The following GALNT8 variants were observed in gnomAD, a reference collection of about 807,000 sequenced individuals.
The protein encoded by GALNT8 is probable polypeptide N-acetylgalactosaminyltransferase 8.
GALNT8 carries 66 observed loss-of-function variants against 62.7 expected under a neutral mutation model. That is an observed-to-expected ratio of 1.05 (90% CI 0.86 to 1.29). The LOEUF (loss-of-function observed/expected upper bound fraction) is 1.29. Ranked by LOEUF, GALNT8 falls within the 50% of genes most tolerant of loss-of-function variation. The pLI, the probability that GALNT8 is intolerant of heterozygous loss-of-function variation, is 0.00. For synonymous variants in GALNT8, 288 were observed against 294.3 expected (o/e 0.98, Z 0.22); for missense variants, 771 against 791.8 (o/e 0.97, Z 0.32).
At chr12:4,741,704 C>T (rs192308422) in intron 3 of GALNT8, among the ~76,000 whole-genome samples, 241 of 152,156 alleles carry the variant, frequency 1.6e-3, no homozygotes, top group Admixed American at 2.3e-3. Flanking sequence ...ATTACAAACA[C>T]GGGGTAGACA....
chr12:4,720,835 A>G lies in GALNT8; in HGVS notation c.158A>G (p.Tyr53Cys). The G allele has an allele frequency of 1.2e-6, 2 of 1,610,760 alleles. No individual in the cohort carries two copies. The highest frequency in any genetic ancestry group is 1.7e-5 in the Admixed American group (1 of 60,002). The change falls in exon 1 of 11, where the codon TAC becomes TGC. Residue 53 changes from tyrosine (Y) to cysteine (C), a missense_variant. By Grantham distance (194) the Tyr-to-Cys change is radical. Transcript: ENST00000252318. Reference sequence around the variant, plus strand: ...CTTCCTTTACATCTGAATAAACGCTACGGGGCAGTGATAAAGAGACTCTCC... The same window carrying G: ...CTTCCTTTACATCTGAATAAACGCTGCGGGGCAGTGATAAAGAGACTCTCC... Reference protein sequence around the residue: ...RELPLHLNKRYGAVIKRLSHL... With the variant: ...RELPLHLNKRCGAVIKRLSHL...
rs151333092 is a variant in GALNT8, at chr12:4,729,579, C to T, written c.509+2750C>T. Among the ~76,000 whole-genome samples the T allele has an allele frequency of 8.2e-4, 125 of 152,290 alleles. 1 individual carries two copies. The highest frequency in any genetic ancestry group is 2.9e-3 in the African/African-American group (120 of 41,570). On this transcript the variant is annotated intron_variant, in intron 2 of 10. Coordinates refer to ENST00000252318, the MANE Select transcript of GALNT8 (RefSeq NM_017417.2). ...ATTTTACTTAACATAATGTACTCCA[C>T]ATTTATCCATGTTGTCACAAAAGAC...
chr12:4,742,895 C>T lies in GALNT8; in HGVS notation c.677-1622C>T, dbSNP rs568530550. On this transcript the variant is annotated intron_variant, in intron 3 of 10. Coordinates refer to ENST00000252318, the MANE Select transcript of GALNT8 (RefSeq NM_017417.2). ...GTTGTCTTCAGAAAACCCGTCGAGGCGTCCTTAATCTTTGTGCTATATGAT... is the reference window on the plus strand; with the variant it reads ...GTTGTCTTCAGAAAACCCGTCGAGGTGTCCTTAATCTTTGTGCTATATGAT... Among the ~76,000 whole-genome samples, 75 of 152,244 alleles carry T rather than the reference C, an allele frequency of 4.9e-4. 1 individual carries two copies. Among genetic ancestry groups the T allele is most frequent in the African/African-American group, 1.6e-3 (68 of 41,532 alleles).
intron 1 of GALNT8, among the ~76,000 whole-genome samples, chr12:4,721,191 A>G (rs533160103): frequency 6.6e-6 from 1 of 152,278 alleles, no homozygotes; most frequent in Admixed American, 6.5e-5. Flanking sequence ...AACGAGAAGA[A>G]TAAGAATCCC....
intron 2 of GALNT8, among the ~76,000 whole-genome samples, chr12:4,730,792 A>G (rs1467182947): frequency 1.3e-5 from 2 of 151,960 alleles, no homozygotes; most frequent in Non-Finnish European, 2.9e-5. Flanking sequence ...CAATCTGTAG[A>G]TCACTATGGG....
rs16928032 is a variant in GALNT8, at chr12:4,744,196, G to T, written c.677-321G>T. On this transcript the variant is annotated intron_variant, in intron 3 of 10. Transcript: ENST00000252318. ...CCATCAACCTGTGCACCTTAGGCTAGATCTGTCCACTCATTCTCTCAAGAA... is the reference window on the plus strand; with the variant it reads ...CCATCAACCTGTGCACCTTAGGCTATATCTGTCCACTCATTCTCTCAAGAA... 8.2e-3 allele frequency among the ~76,000 whole-genome samples: 1,249 copies of T among 152,302 alleles called. 18 individuals are homozygous for T. The highest frequency in any genetic ancestry group is 0.029 in the African/African-American group (1,192 of 41,556).
Position 4,765,578 on chromosome 12 carries a change from TTGTTTTG to T in GALNT8, c.1761+34_1761+40del, listed in dbSNP as rs773324909. ...TATGTGTTTTTGTTTGTTGGTTTGT[TTGTTTTG>T]TTTTGTTTTGTTTTGAGACTGAGTC... On this transcript the variant is annotated intron_variant, in intron 10 of 10. Coordinates refer to ENST00000252318, the MANE Select transcript of GALNT8 (RefSeq NM_017417.2). 4.1e-6 allele frequency: 6 copies of T among 1,463,600 alleles called. No individual in the cohort carries two copies. The African/African-American group carries it at 8.7e-5, about 21-fold the overall frequency. 90.7% of individuals were successfully genotyped at this position (1,463,600 alleles called of 1,614,324 possible).
At chr12:4,743,649 G>A (rs1308507014) in intron 3 of GALNT8, among the ~76,000 whole-genome samples, 2 of 152,148 alleles carry the variant, frequency 1.3e-5, no homozygotes, top group African/African-American at 4.8e-5. Context: ...CACATCCAGG[G>A]CGTGCCACTT....
At chr12:4,748,022 T>G (rs1197672375) in intron 6 of GALNT8, among the ~76,000 whole-genome samples, 2 of 152,108 alleles carry the variant, frequency 1.3e-5, no homozygotes, top group Non-Finnish European at 2.9e-5. Flanking sequence ...TGTCTTCTTT[T>G]GGGAAATGTC....
intron 6 of GALNT8, among the ~76,000 whole-genome samples, chr12:4,760,619 G>A (rs1395539600): frequency 3.3e-5 from 5 of 152,316 alleles, no homozygotes; most frequent in African/African-American, 1.2e-4. Context: ...GGAACTTAGT[G>A]CAGTGAGAGT....
chr12:4,727,897 G>T (rs1946203716), intron 2 of GALNT8, among the ~76,000 whole-genome samples: 1 of 152,228 alleles, frequency 6.6e-6, no homozygotes, highest in African/African-American at 2.4e-5. Context: ...TAGAATTGCT[G>T]GGCCATATGA....
chr12:4,741,038 T>C (rs1413142086), intron 3 of GALNT8, among the ~76,000 whole-genome samples: 3 of 152,186 alleles, frequency 2.0e-5, no homozygotes, highest in African/African-American at 7.2e-5. Context: ...TTACAAAAAC[T>C]TAGAGGTTTG....
At chr12:4,768,447 C>T (rs1188508333) in intron 10 of GALNT8, 3 of 368,280 alleles carry the variant, frequency 8.1e-6, no homozygotes, top group Non-Finnish European at 1.6e-5. Context: ...AACAGCCTAC[C>T]ATTACTAAAT....
At chr12:4,770,891 A>G (rs1275904292) in intron 10 of GALNT8, among the ~76,000 whole-genome samples, 1 of 152,216 alleles carries the variant, frequency 6.6e-6, no homozygotes, top group African/African-American at 2.4e-5. Flanking sequence ...AAGGCAGTAG[A>G]AAAGGAATCT....
chr12:4,758,629 TGTGTGTGTGA>T (rs1203781835), intron 6 of GALNT8, among the ~76,000 whole-genome samples: 437 of 104,504 alleles, frequency 4.2e-3, no homozygotes, highest in African/African-American at 0.014. Context: ...TGTGTGTGTG[TGTGTGTGTGA>T]GAGAGAGAGA....
chr12:4,723,275 A>G (rs1946179292), intron 1 of GALNT8, among the ~76,000 whole-genome samples: 2 of 152,202 alleles, frequency 1.3e-5, no homozygotes, highest in Admixed American at 1.3e-4. Context: ...ACGGGGCAAG[A>G]GAGTGGATGA....
intron 2 of GALNT8, among the ~76,000 whole-genome samples, chr12:4,731,851 C>T (rs1946223427): frequency 6.6e-6 from 1 of 152,126 alleles, no homozygotes; most frequent in Non-Finnish European, 1.5e-5. Context: ...CTTCATCATG[C>T]CATGTTGGCC....
Position 4,720,823 on chromosome 12 carries a change from T to C in GALNT8, c.146T>C (p.Leu49Pro), listed in dbSNP as rs1335475175. Reference protein sequence around the residue: ...GGLHRELPLHLNKRYGAVIKR... With the variant: ...GGLHRELPLHPNKRYGAVIKR... ...CTCCACAGGGAGCTTCCTTTACATC[T>C]GAATAAACGCTACGGGGCAGTGATA... is the stretch of plus-strand genomic sequence containing the variant. Residue 49 changes from leucine to proline, a missense_variant, in exon 1 of 11, where the codon CTG (leucine) becomes CCG (proline). By Grantham distance (98) the Leu-to-Pro change is moderately conservative. Coordinates refer to ENST00000252318, the MANE Select transcript of GALNT8 (RefSeq NM_017417.2). 2 of 1,611,528 alleles carry C rather than the reference T, an allele frequency of 1.2e-6. No homozygotes were observed. The highest frequency in any genetic ancestry group is 1.7e-6 in the Non-Finnish European group (2 of 1,177,740).
chr12:4,720,729 G>A lies in GALNT8; in HGVS notation c.52G>A (p.Ala18Thr). ...PKALFIGLTL[A>T]IAVNLLLVFS... The stretch of plus-strand genomic sequence containing the variant: ...AGCCCTCTTCATTGGGCTGACTCTG[G>A]CCATTGCTGTCAATCTCCTTCTGGT... Residue 18 changes from alanine to threonine, a missense_variant, in exon 1 of 11, where the codon GCC becomes ACC. By Grantham distance (58) the Ala-to-Thr change is moderately conservative (BLOSUM62 0). Coordinates refer to ENST00000252318, the MANE Select transcript of GALNT8 (RefSeq NM_017417.2). The A allele has an allele frequency of 1.9e-6, 3 of 1,613,878 alleles. No individual in the cohort carries two copies. Among genetic ancestry groups the A allele is most frequent in the African/African-American group, 1.3e-5 (1 of 75,046 alleles).
Sources: gnomAD v4.1 joint callset for allele counts (sites outside exome capture counted in the v4.1 genomes callset) on GRCh38, gnomAD v4.1.1 for gene constraint, MANE v1.5 for transcripts, NCBI Gene and HGNC (gene_info 2026-07-23, HGNC 2026-07-21) for gene names.